The following TRIM62 variants were observed in gnomAD, a reference collection of about 807,000 sequenced individuals.
TRIM62 encodes tripartite motif containing 62.
TRIM62 carries 39 observed loss-of-function variants against 44.2 expected under a neutral mutation model. The observed-to-expected ratio is 0.88, with a 90% CI of 0.68 to 1.15. TRIM62 has a LOEUF of 1.15. Among genes scored for constraint, TRIM62 ranks in the 50% most tolerant of loss-of-function variants. The pLI is 0.00. For missense variants in TRIM62, 544 were observed against 665.5 expected, an observed-to-expected ratio of 0.82 and a Z score of 2.01; for synonymous variants, 278 against 292.3, an observed-to-expected ratio of 0.95 and a Z score of 0.50.
In TRIM62 at chr1:33,156,599, G is replaced by A. The variant is rs548279526; in HGVS notation, c.877+1654C>T. Among the ~76,000 whole-genome samples the A allele has an allele frequency of 5.3e-5, 8 of 152,262 alleles. 1 individual carries two copies. The highest frequency in any genetic ancestry group is 6.8e-3 in the Middle Eastern group (2 of 294). On this transcript the variant is annotated intron_variant, in intron 4 of 4. Transcript: ENST00000291416. ...CTTCTAGGAGTGTTCCGGGGCTCCT[G>A]ATGTTAGGGCAGCCCTCTGTCTTTT...
In TRIM62 at chr1:33,147,782, C is replaced by T. The variant is rs1362855654; in HGVS notation, c.878-55G>A. On this transcript the variant is annotated intron_variant, in intron 4 of 4. Transcript: ENST00000291416. The surrounding 1 kb of genome is among the most constrained non-coding windows in gnomAD (Gnocchi z 8.1). ...GAGTGGGGAGAAGGCTGTGGACCCACCATGCAGTGCCTTCCTGAGGGCAGA... is the reference window on the plus strand; with the variant it reads ...GAGTGGGGAGAAGGCTGTGGACCCATCATGCAGTGCCTTCCTGAGGGCAGA... The T allele has an allele frequency of 7.1e-6, 11 of 1,556,338 alleles. No individual in the cohort carries two copies. The highest frequency in any genetic ancestry group is 9.6e-6 in the Non-Finnish European group (11 of 1,147,562).
At chr1:33,168,200 C>T (rs1462181872) in intron 1 of TRIM62, among the ~76,000 whole-genome samples, 1 of 152,010 alleles carries the variant, frequency 6.6e-6, no homozygotes. Context: ...TTTTGAGAGC[C>T]CATGCTGATG....
chr1:33,171,071 T>C (rs1645370762), intron 1 of TRIM62, among the ~76,000 whole-genome samples: 1 of 152,150 alleles, frequency 6.6e-6, no homozygotes, highest in South Asian at 2.1e-4. Flanking sequence ...AGGGACCATC[T>C]GGTCCAACCC....
intron 1 of TRIM62, 129 bp downstream of exon 1, chr1:33,180,896 T>C (rs634307): frequency 0.77 from 283,519 of 368,452 alleles, 109,539 homozygotes; most frequent in African/African-American, 0.87. Context: ...GGCCCTGACC[T>C]TGCTGGCGGC....
In TRIM62 at chr1:33,167,603, A is replaced by G. The variant is rs571552225; in HGVS notation, c.409-2037T>C. 2.6e-5 allele frequency among the ~76,000 whole-genome samples: 4 copies of G among 152,286 alleles called. No individual in the cohort carries two copies. The East Asian group carries it at 7.7e-4, about 29-fold the overall frequency. ...CAGCCTGGCACTGAGATGGGACTCA[A>G]TGACGCTTGCTGCGTGAATGAAGTT... is the stretch of plus-strand genomic sequence containing the variant. On this transcript the variant is annotated intron_variant, in intron 1 of 4. Coordinates refer to ENST00000291416, the MANE Select transcript of TRIM62 (RefSeq NM_018207.3). The surrounding 1 kb of genome is among the most constrained non-coding windows in gnomAD (Gnocchi z 4.2).
chr1:33,158,936 G>A (rs574106522), intron 3 of TRIM62, among the ~76,000 whole-genome samples: 2 of 152,124 alleles, frequency 1.3e-5, no homozygotes, highest in African/African-American at 4.8e-5. Flanking sequence ...TGCCTCCTGG[G>A]TTCAAGCAAT....
intron 2 of TRIM62, among the ~76,000 whole-genome samples, chr1:33,160,695 G>C (rs1645254264): frequency 6.6e-6 from 1 of 152,156 alleles, no homozygotes; most frequent in South Asian, 2.1e-4. Context: ...GTGAGCCATC[G>C]TGCCCGGCTG....
rs535063023 is a variant in TRIM62 at position 33,165,622 on chromosome 1, C to G, written c.409-56G>C. ...AGGGGCCATGCCTGGCCCAGGCATT[C>G]AGCCCTGACCACTGCCAGGCGCTGG... On this transcript the variant is annotated intron_variant, in intron 1 of 4. Coordinates refer to ENST00000291416, the MANE Select transcript of TRIM62 (RefSeq NM_018207.3). The surrounding 1 kb of genome is among the most constrained non-coding windows in gnomAD (Gnocchi z 4.0). 6 of 1,456,108 alleles carry G rather than the reference C, an allele frequency of 4.1e-6. No individual in the cohort carries two copies. In the African/African-American group the frequency reaches 7.1e-5, roughly 17 times the overall value. 90.2% of individuals were successfully genotyped at this position (1,456,108 alleles called of 1,614,324 possible).
Position 33,147,841 on chromosome 1 carries a change from C to G in TRIM62, c.878-114G>C, listed in dbSNP as rs1645042292. 8.5e-7 allele frequency: 1 copy of G among 1,172,186 alleles called. No individual in the cohort carries two copies. The highest frequency in any genetic ancestry group is 1.5e-5 in the South Asian group (1 of 65,756). The allele number at this position is 1,172,186 out of a possible 1,614,324, so 72.6% of individuals were successfully genotyped here. On this transcript the variant is annotated intron_variant, in intron 4 of 4. Transcript: ENST00000291416. This position sits in a 1 kb window ranked among gnomAD's most constrained non-coding sequence, Gnocchi z 8.1. Reference sequence around the variant, plus strand: ...TGGTACGCAGGAGGCCTCTGACCTGCTGTGTGACCTTGAATACAAGTCTGC... The same window carrying G: ...TGGTACGCAGGAGGCCTCTGACCTGGTGTGTGACCTTGAATACAAGTCTGC...
chr1:33,149,610 A>C (rs1305095105), intron 4 of TRIM62, among the ~76,000 whole-genome samples: 3 of 151,002 alleles, frequency 2.0e-5, no homozygotes, highest in Non-Finnish European at 2.9e-5. Context: ...ATGCATCACT[A>C]TGCGCAGCTA....
intron 4 of TRIM62, among the ~76,000 whole-genome samples, chr1:33,151,987 G>T (rs897496951): frequency 6.6e-6 from 1 of 152,222 alleles, no homozygotes; most frequent in Admixed American, 6.5e-5. Context: ...TTTTCCTCTG[G>T]CCAGGCCTTT....
chr1:33,175,501 T>C (rs1457098886), intron 1 of TRIM62, among the ~76,000 whole-genome samples: 1 of 152,190 alleles, frequency 6.6e-6, no homozygotes, highest in Non-Finnish European at 1.5e-5. Flanking sequence ...GGTCTAACCC[T>C]GGGCAAGGCA....
At position 33,150,924 on chromosome 1, in the gene TRIM62, G is replaced by A. The variant is rs573413063; in HGVS notation, c.878-3197C>T. ...ATGAACAGCAGCAGTTCAGAGTGCT[G>A]GGGGAACCTAGGCATGATATCTAAG... On this transcript the variant is annotated intron_variant, in intron 4 of 4. Coordinates refer to ENST00000291416, the MANE Select transcript of TRIM62 (RefSeq NM_018207.3). 3.9e-5 allele frequency among the ~76,000 whole-genome samples: 6 copies of A among 152,294 alleles called. No homozygotes were observed. The East Asian group carries it at 1.2e-3, about 29-fold the overall frequency.
rs1482559278 is a variant in TRIM62, at chr1:33,159,852, C to T, written c.597G>A (p.Glu199=). 2 of 1,613,492 alleles carry T rather than the reference C, an allele frequency of 1.2e-6. No homozygotes were observed. The highest frequency in any genetic ancestry group is 1.1e-5 in the South Asian group (1 of 91,086). ...LRERQKAMLE[E]LEADTARTLT... is the part of the protein sequence containing the mutation. ...GCGTGCGGGCCGTGTCCGCCTCCAGCTCCTCTAGCATGGCCTTCTGGCGTT... is the reference window on the plus strand; with the variant it reads ...GCGTGCGGGCCGTGTCCGCCTCCAGTTCCTCTAGCATGGCCTTCTGGCGTT... Residue 199 remains glutamate (E), a synonymous_variant, in exon 3 of 5, where the codon GAG becomes GAA. Coordinates refer to ENST00000291416, the MANE Select transcript of TRIM62 (RefSeq NM_018207.3). This position sits in a 1 kb window ranked among gnomAD's most constrained non-coding sequence, Gnocchi z 4.2.
rs1238172251 is a variant in TRIM62, at chr1:33,146,986, A to G, written c.*191T>C. On this transcript the variant is annotated 3_prime_UTR_variant, in exon 5 of 5. Transcript: ENST00000291416. ...CCTATCAAGGTCAGAGCTACAGAACATCGATGCTGGAAGAGAGTTTAGGAA... is the reference window on the plus strand; with the variant it reads ...CCTATCAAGGTCAGAGCTACAGAACGTCGATGCTGGAAGAGAGTTTAGGAA... 1.1e-5 allele frequency: 7 copies of G among 625,704 alleles called. No homozygotes were observed. In the Admixed American group the frequency reaches 1.5e-4, roughly 13 times the overall value. 38.8% of individuals were successfully genotyped at this position (625,704 alleles called of 1,614,324 possible). A position where few individuals can be genotyped will look rare whatever the true frequency, so the allele number is the denominator to read the frequency against.
chr1:33,158,332 A>G lies in TRIM62; in HGVS notation c.798T>C (p.Tyr266=), dbSNP rs1316465400. 2 of 1,613,926 alleles carry G rather than the reference A, an allele frequency of 1.2e-6. No individual in the cohort carries two copies. The highest frequency in any genetic ancestry group is 1.1e-5 in the South Asian group (1 of 91,082). ...KGKIHETNLT[Y]EDFPTSKYTG... is the part of the protein sequence containing the mutation. ...TGTACTTGGAGGTCGGGAAGTCTTCATATGTGAGGTTGGTCTCATGGATTT... is the reference window on the plus strand; with the variant it reads ...TGTACTTGGAGGTCGGGAAGTCTTCGTATGTGAGGTTGGTCTCATGGATTT... Residue 266 remains tyrosine (Y), a synonymous_variant, in exon 4 of 5, where the codon TAT becomes TAC. Coordinates refer to ENST00000291416, the MANE Select transcript of TRIM62 (RefSeq NM_018207.3).
Position 33,165,379 on chromosome 1 carries a change from G to A in TRIM62, c.504+92C>T. On this transcript the variant is annotated intron_variant, in intron 2 of 4. Transcript: ENST00000291416. This position sits in a 1 kb window ranked among gnomAD's most constrained non-coding sequence, Gnocchi z 4.0. Reference sequence around the variant, plus strand: ...GAAGCCAGGTTTCCACCGCACACCCGAGGCCCCGCCCCTCTTCCCCAGCTG... The same window carrying A: ...GAAGCCAGGTTTCCACCGCACACCCAAGGCCCCGCCCCTCTTCCCCAGCTG... The A allele has an allele frequency of 8.2e-7, 1 of 1,214,130 alleles. No homozygotes were observed. The highest frequency in any genetic ancestry group is 1.1e-6 in the Non-Finnish European group (1 of 875,552). 75.2% of individuals were successfully genotyped at this position (1,214,130 alleles called of 1,614,324 possible). A position where few individuals can be genotyped will look rare whatever the true frequency, so the allele number is the denominator to read the frequency against.
intron 4 of TRIM62, among the ~76,000 whole-genome samples, chr1:33,155,514 C>T (rs1645165938): frequency 6.6e-6 from 1 of 152,106 alleles, no homozygotes; most frequent in Non-Finnish European, 1.5e-5. Flanking sequence ...CCCCAGCCTC[C>T]TTCCTGGTGT....
Position 33,158,367 on chromosome 1 carries a change from G to T in TRIM62, c.763C>A (p.Leu255Ile), listed in dbSNP as rs139149495. Reference protein sequence around the residue: ...LAGVASLSERLKGKIHETNLT... With the variant: ...LAGVASLSERIKGKIHETNLT... ...TTGGTCTCATGGATTTTTCCCTTGAGCCTGGAAGGAGAGCAGGAAAGGGGG... is the reference window on the plus strand; with the variant it reads ...TTGGTCTCATGGATTTTTCCCTTGATCCTGGAAGGAGAGCAGGAAAGGGGG... Residue 255 changes from leucine (L) to isoleucine (I), a missense_variant and splice_region_variant, in exon 4 of 5, where the codon CTC becomes ATC. By Grantham distance (5) the Leu-to-Ile change is conservative. Coordinates refer to ENST00000291416, the MANE Select transcript of TRIM62 (RefSeq NM_018207.3). 59 of 1,613,192 alleles carry T rather than the reference G, an allele frequency of 3.7e-5. 1 individual carries two copies. The highest frequency in any genetic ancestry group is 4.4e-5 in the Non-Finnish European group (52 of 1,179,416).
Sources: gnomAD v4.1 joint callset for allele counts (sites outside exome capture counted in the v4.1 genomes callset) on GRCh38, gnomAD v4.1.1 for gene constraint, Gnocchi (gnomAD v3.1) non-coding constraint, MANE v1.5 for transcripts, NCBI Gene and HGNC (gene_info 2026-07-23, HGNC 2026-07-21) for gene names.